The following DRAXIN variants were observed in gnomAD, a reference collection of about 807,000 sequenced individuals.
The protein encoded by DRAXIN is dorsal repulsive axon guidance protein.
A neutral mutation model predicts 33.9 loss-of-function variants in DRAXIN; 27 were observed. The observed-to-expected ratio is 0.80, with a 90% confidence interval of 0.59 to 1.10. The LOEUF (loss-of-function observed/expected upper bound fraction) is 1.10, where lower values mean the gene tolerates loss of function less well. Among genes scored for constraint, DRAXIN ranks in the 50% least tolerant of loss-of-function variants. The pLI, the probability that DRAXIN is intolerant of heterozygous loss-of-function variation, is 0.00. For synonymous variants in DRAXIN, 178 were observed against 194.0 expected (o/e 0.92, Z 0.69); for missense variants, 371 against 460.8 (o/e 0.81, Z 1.78).
At chr1:11,686,937 A>C (rs79903633), upstream of DRAXIN, among the ~76,000 whole-genome samples, 3,094 of 152,182 alleles carry the variant, frequency 0.02, 102 homozygotes, top group African/African-American at 0.069. Flanking sequence ...CTACTCTCTA[A>C]TTCGGAACAT....
upstream of DRAXIN, among the ~76,000 whole-genome samples, chr1:11,691,203 AAT>A (rs1641057303): frequency 6.9e-6 from 1 of 144,946 alleles, no homozygotes; most frequent in Non-Finnish European, 1.5e-5. Flanking sequence ...GTCTAGGCGG[AAT>A]AATCCTTTTG....
intron 1 of DRAXIN, among the ~76,000 whole-genome samples, chr1:11,701,781 G>A (rs1379845893): frequency 6.6e-6 from 1 of 152,174 alleles, no homozygotes; most frequent in Non-Finnish European, 1.5e-5. Context: ...TGGTTGCCTG[G>A]TGCTTTGTGA....
chr1:11,710,573 G>A lies in DRAXIN; in HGVS notation c.642+1108G>A, dbSNP rs185005986. Among the ~76,000 whole-genome samples, 193 of 152,018 alleles carry A rather than the reference G, an allele frequency of 1.3e-3. 2 individuals are homozygous for A. The highest frequency in any genetic ancestry group is 1.6e-3 in the Non-Finnish European group (112 of 67,996). ...TACCCACTGGTGATTCTGGAAGAGG[G>A]GTATATAGGAGCTGACCGCATCGTT... On this transcript the variant is annotated intron_variant, in intron 3 of 6. Transcript: ENST00000294485.
chr1:11,705,735 A>C lies in DRAXIN; in HGVS notation c.-10-514A>C, dbSNP rs562335407. Among the ~76,000 whole-genome samples, 1 of 152,348 alleles carries C rather than the reference A, an allele frequency of 6.6e-6. No homozygotes were observed. The highest frequency in any genetic ancestry group is 2.4e-5 in the African/African-American group (1 of 41,574). On this transcript the variant is annotated intron_variant, in intron 1 of 6. Transcript: ENST00000294485. The surrounding 1 kb of genome is among the most constrained non-coding windows in gnomAD (Gnocchi z 4.8). ...AAAGGGCGAAGTGACATGAATTCAC[A>C]CAAAGCACTTAACGTGGGTCCTGCC... is the stretch of plus-strand genomic sequence containing the variant.
intron 6 of DRAXIN, among the ~76,000 whole-genome samples, chr1:11,718,688 G>A (rs1641616247): frequency 6.6e-6 from 1 of 152,092 alleles, no homozygotes; most frequent in East Asian, 1.9e-4. Flanking sequence ...GGCTGGTCTG[G>A]AACTACTGGG....
rs1641199247 is a variant in DRAXIN at position 11,696,796 on chromosome 1, T to A, written c.-11+4943T>A. 6.6e-6 allele frequency among the ~76,000 whole-genome samples: 1 copy of A among 151,360 alleles called. No individual in the cohort carries two copies. Among genetic ancestry groups the A allele is most frequent in the African/African-American group, 2.4e-5 (1 of 41,202 alleles). ...TGAACCCAGGAGGCAATGAGCCTCC[T>A]GGTTTCAGTGAGCCAAGATCGCGCC... On this transcript the variant is annotated intron_variant, in intron 1 of 6. Coordinates refer to ENST00000294485, the MANE Select transcript of DRAXIN (RefSeq NM_198545.4). This position sits in a 1 kb window ranked among gnomAD's most constrained non-coding sequence, Gnocchi z 4.7.
In DRAXIN at chr1:11,717,007, G is replaced by A. The variant is rs527582719; in HGVS notation, c.937+1799G>A. 1.1e-4 allele frequency among the ~76,000 whole-genome samples: 17 copies of A among 152,318 alleles called. No homozygotes were observed. The East Asian group carries it at 2.7e-3, about 24-fold the overall frequency. ...TTAGAAAATAATAAGGGCTATGGCC[G>A]AGCATGGTGGCTCATGCCTGTAATC... is the stretch of plus-strand genomic sequence containing the variant. On this transcript the variant is annotated intron_variant, in intron 6 of 6. Coordinates refer to ENST00000294485, the MANE Select transcript of DRAXIN (RefSeq NM_198545.4).
intron 1 of DRAXIN, among the ~76,000 whole-genome samples, chr1:11,700,337 G>A (rs975873835): frequency 6.6e-6 from 1 of 152,230 alleles, no homozygotes; most frequent in Non-Finnish European, 1.5e-5. Flanking sequence ...TGGATGTGAG[G>A]CTGCGCTTCT....
intron 6 of DRAXIN, among the ~76,000 whole-genome samples, chr1:11,718,000 CAAAAAAAAA>C (rs57704802): frequency 1.2e-5 from 1 of 80,890 alleles, no homozygotes; most frequent in Non-Finnish European, 2.2e-5. Context: ...GACCCTGTCT[CAAAAAAAAA>C]AAAAAAAAGG....
In DRAXIN at chr1:11,719,697, C is replaced by T. The variant is rs1469970064; in HGVS notation, c.*1C>T. 1.9e-6 allele frequency: 3 copies of T among 1,613,142 alleles called. No individual in the cohort carries two copies. Among genetic ancestry groups the T allele is most frequent in the Middle Eastern group, 1.7e-4 (1 of 6,052 alleles). ...CCAGGGATCCTTCATCAACGTCTAGCGGCCCCGCGGGACTGGGGACTGAGC... is the reference window on the plus strand; with the variant it reads ...CCAGGGATCCTTCATCAACGTCTAGTGGCCCCGCGGGACTGGGGACTGAGC... On this transcript the variant is annotated 3_prime_UTR_variant, in exon 7 of 7. Transcript: ENST00000294485.
chr1:11,691,575 G>C (rs1411275777), upstream of DRAXIN: 5 of 151,532 alleles, frequency 3.3e-5, no homozygotes, highest in Non-Finnish European at 7.4e-5. Context: ...CGCGCTGGCC[G>C]GGTGCGCGCC....
Position 11,706,438 on chromosome 1 carries a change from G to A in DRAXIN, c.180G>A (p.Arg60=). ...WTPQASHHRR[R]GPGKKEWGPG... ...CTCAGGCCAGCCACCACCGCCGGCG[G>A]GGCCCGGGCAAGAAGGAGTGGGGCC... The change falls in exon 2 of 7, where the codon CGG becomes CGA. Residue 60 remains arginine (R), a synonymous_variant. Transcript: ENST00000294485. The surrounding 1 kb of genome is among the most constrained non-coding windows in gnomAD (Gnocchi z 5.5). 6.2e-7 allele frequency: 1 copy of A among 1,611,662 alleles called. No homozygotes were observed. The highest frequency in any genetic ancestry group is 2.2e-5 in the East Asian group (1 of 44,838).
Position 11,715,224 on chromosome 1 carries a change from T to C in DRAXIN, c.937+16T>C, listed in dbSNP as rs1641557911. ...TGTGTGGAAGGTGGGTCCAGACTCC[T>C]TTGCGGGGGGCTACCCATGCTCTGA... On this transcript the variant is annotated intron_variant, in intron 6 of 6. Coordinates refer to ENST00000294485, the MANE Select transcript of DRAXIN (RefSeq NM_198545.4). The C allele has an allele frequency of 6.2e-7, 1 of 1,614,144 alleles. No individual in the cohort carries two copies. Among genetic ancestry groups the C allele is most frequent in the Non-Finnish European group, 8.5e-7 (1 of 1,179,992 alleles).
chr1:11,702,397 T>TCA (rs200364959), intron 1 of DRAXIN, among the ~76,000 whole-genome samples: 1 of 139,192 alleles, frequency 7.2e-6, no homozygotes, highest in East Asian at 2.3e-4. Context: ...TTACACATCA[T>TCA]CACACACACG....
Position 11,719,708 on chromosome 1 carries a change from G to T in DRAXIN, c.*12G>T, listed in dbSNP as rs1353796465. On this transcript the variant is annotated 3_prime_UTR_variant, in exon 7 of 7. Coordinates refer to ENST00000294485, the MANE Select transcript of DRAXIN (RefSeq NM_198545.4). Reference sequence around the variant, plus strand: ...TCATCAACGTCTAGCGGCCCCGCGGGACTGGGGACTGAGCCCAGGAGGTTT... The same window carrying T: ...TCATCAACGTCTAGCGGCCCCGCGGTACTGGGGACTGAGCCCAGGAGGTTT... 3 of 1,610,196 alleles carry T rather than the reference G, an allele frequency of 1.9e-6. No homozygotes were observed. In the Admixed American group the frequency reaches 5.0e-5, roughly 27 times the overall value.
chr1:11,706,267 G>A lies in DRAXIN; in HGVS notation c.9G>A (p.Gly3=), dbSNP rs768094986. The A allele has an allele frequency of 4.6e-5, 73 of 1,591,618 alleles. No homozygotes were observed. Among genetic ancestry groups the A allele is most frequent in the Admixed American group, 1.1e-4 (6 of 56,868 alleles). ...CTTGCAGGGAGGAGCCAATGGCTGG[G>A]CCTGCCATCCACACCGCTCCCATGC... The part of the protein sequence containing the change: MA[G]PAIHTAPMLF... The change falls in exon 2 of 7, where the codon GGG becomes GGA. Residue 3 remains glycine, a synonymous_variant. Coordinates refer to ENST00000294485, the MANE Select transcript of DRAXIN (RefSeq NM_198545.4). This position sits in a 1 kb window ranked among gnomAD's most constrained non-coding sequence, Gnocchi z 5.5.
rs1641508951 is a variant in DRAXIN, at chr1:11,712,444, C to G, written c.847+15C>G. ...CTGCCTGCCAGGTACCAGCCAGCAC[C>G]CACATTCAAGGCACCAGGCTGGGTA... On this transcript the variant is annotated intron_variant, in intron 5 of 6. Transcript: ENST00000294485. 2 of 1,613,766 alleles carry G rather than the reference C, an allele frequency of 1.2e-6. No individual in the cohort carries two copies. Among genetic ancestry groups the G allele is most frequent in the African/African-American group, 1.3e-5 (1 of 74,886 alleles).
chr1:11,723,329 A>C lies in DRAXIN; in HGVS notation c.*3633A>C, dbSNP rs899632265. ...ACATTCACAGGCCTGGGGCCCACCC[A>C]CAAAGCTTCTGTTTTGTTTGGTCTG... is the stretch of plus-strand genomic sequence containing the variant. On this transcript the variant is annotated 3_prime_UTR_variant, in exon 7 of 7. Transcript: ENST00000294485. The C allele has an allele frequency of 6.6e-6, 1 of 152,166 alleles. No individual in the cohort carries two copies. The highest frequency in any genetic ancestry group is 1.5e-5 in the Non-Finnish European group (1 of 68,048). 9.4% of individuals were successfully genotyped at this position (152,166 alleles called of 1,614,324 possible).
chr1:11,700,167 T>G (rs980503402), intron 1 of DRAXIN, among the ~76,000 whole-genome samples: 3 of 151,526 alleles, frequency 2.0e-5, no homozygotes, highest in African/African-American at 7.3e-5. Flanking sequence ...GAGACGGAGG[T>G]TGCAGTGAGC....
Sources: allele counts gnomAD v4.1 joint callset (sites outside exome capture counted in the v4.1 genomes callset), GRCh38; gene constraint gnomAD v4.1.1; non-coding constraint Gnocchi (gnomAD v3.1); transcripts MANE v1.5; gene names NCBI Gene and HGNC (gene_info 2026-07-23, HGNC 2026-07-21).